The following CCDC170 variants were observed in gnomAD, a reference collection of about 807,000 sequenced individuals.
CCDC170 encodes coiled-coil domain-containing protein 170.
Under a neutral mutation model 72.6 loss-of-function variants are expected in CCDC170, and 69 were observed. The observed-to-expected ratio is 0.95, with a 90% CI of 0.78 to 1.16. CCDC170 has a LOEUF of 1.16. CCDC170 is among the 50% of genes most tolerant of loss of function. The pLI, the probability that CCDC170 is intolerant of heterozygous loss-of-function variation, is 0.00. For synonymous variants in CCDC170, 300 were observed against 303.9 expected (o/e 0.99, Z 0.13); for missense variants, 852 against 832.5 (o/e 1.02, Z -0.29).
At chr6:151,546,994 G>A (rs1023939) in intron 4 of CCDC170, among the ~76,000 whole-genome samples, 91,694 of 138,028 alleles carry the variant, frequency 0.66, 30,189 homozygotes, top group Admixed American at 0.74. Context: ...CCTGTCTTAA[G>A]AAGAAAAAAA....
chr6:151,601,517 G>A (rs918142160), intron 9 of CCDC170, among the ~76,000 whole-genome samples: 5 of 151,214 alleles, frequency 3.3e-5, no homozygotes, highest in Non-Finnish European at 5.9e-5. Flanking sequence ...GAAAAACAGT[G>A]CGTGTGTGTG....
At position 151,544,730 on chromosome 6, in the gene CCDC170, G is replaced by A; in HGVS notation, c.588+14G>A. ...TTAATTTTAAAGGTGTCTGTATGCAGATTAAAAAGTCTATAAATGTAGTGG... is the reference window on the plus strand; with the variant it reads ...TTAATTTTAAAGGTGTCTGTATGCAAATTAAAAAGTCTATAAATGTAGTGG... On this transcript the variant is annotated intron_variant, in intron 4 of 10. Transcript: ENST00000239374. 8.8e-6 allele frequency: 14 copies of A among 1,596,870 alleles called. No homozygotes were observed. The highest frequency in any genetic ancestry group is 1.2e-5 in the Non-Finnish European group (14 of 1,167,526).
intron 1 of CCDC170, among the ~76,000 whole-genome samples, chr6:151,510,214 A>T (rs1474180633): frequency 6.6e-6 from 1 of 152,202 alleles, no homozygotes; most frequent in African/African-American, 2.4e-5. Flanking sequence ...CTTGGTTTGA[A>T]TTCTTACTGT....
chr6:151,580,877 T>C (rs1776370177), intron 6 of CCDC170, among the ~76,000 whole-genome samples: 1 of 152,070 alleles, frequency 6.6e-6, no homozygotes, highest in Admixed American at 6.6e-5. Flanking sequence ...AGTCACACAA[T>C]TTTTTTTGGT....
chr6:151,574,005 A>G lies in CCDC170; in HGVS notation c.1092+514A>G, dbSNP rs532554391. On this transcript the variant is annotated intron_variant, in intron 6 of 10. Transcript: ENST00000239374. ...AGGCCTGTAACCCCAGTCCATTTGG[A>G]GGCCAATGTAGTCACTTGAGGCCAG... Among the ~76,000 whole-genome samples the G allele has an allele frequency of 1.4e-4, 22 of 152,338 alleles. No homozygotes were observed. The East Asian group carries it at 4.0e-3, about 28-fold the overall frequency.
chr6:151,534,030 T>C (rs1413153772), intron 1 of CCDC170, among the ~76,000 whole-genome samples: 2 of 152,028 alleles, frequency 1.3e-5, no homozygotes, highest in African/African-American at 2.4e-5. Flanking sequence ...ACAGCTTCTT[T>C]TCTTTCTTTC....
rs1031392692 is a variant in CCDC170, at chr6:151,536,383, G to T, written c.123G>T (p.Val41=). The change falls in exon 2 of 11, where the codon GTG becomes GTT. Residue 41 remains valine, a synonymous_variant. Transcript: ENST00000239374. The part of the protein sequence containing the change: ...TREQLNHYRN[V]AQNARSELAA... Reference sequence around the variant, plus strand: ...AGCAGTTAAACCACTATCGGAATGTGGCTCAAAATGCTCGAAGTGAACTTG... The same window carrying T: ...AGCAGTTAAACCACTATCGGAATGTTGCTCAAAATGCTCGAAGTGAACTTG... 1.9e-6 allele frequency: 3 copies of T among 1,614,010 alleles called. No individual in the cohort carries two copies. In the African/African-American group the frequency reaches 4.0e-5, roughly 22 times the overall value.
At chr6:151,611,407 A>C (rs942695819) in intron 9 of CCDC170, among the ~76,000 whole-genome samples, 2 of 152,242 alleles carry the variant, frequency 1.3e-5, no homozygotes, top group African/African-American at 4.8e-5. Context: ...TCAAGGTGCC[A>C]GCAGATTTGA....
chr6:151,562,936 C>A (rs189142775), intron 5 of CCDC170, among the ~76,000 whole-genome samples: 124 of 152,312 alleles, frequency 8.1e-4, no homozygotes, highest in Non-Finnish European at 1.6e-3. Flanking sequence ...CCCTATCAAA[C>A]CCCTGTTGCA....
intron 9 of CCDC170, among the ~76,000 whole-genome samples, chr6:151,601,726 C>T (rs553783380): frequency 3.1e-4 from 47 of 152,280 alleles, no homozygotes; most frequent in African/African-American, 1.1e-3. Context: ...AATATGAAGA[C>T]TGGCAGATTA....
intron 1 of CCDC170, among the ~76,000 whole-genome samples, chr6:151,519,303 T>C (rs1038896887): frequency 6.6e-6 from 1 of 152,196 alleles, no homozygotes. Flanking sequence ...TCTTCCCTAC[T>C]TGCATGTCCA....
chr6:151,585,708 A>T (rs759238421), intron 6 of CCDC170, among the ~76,000 whole-genome samples, 181 bp from the exon 7 acceptor site: 21 of 152,264 alleles, frequency 1.4e-4, no homozygotes, highest in Non-Finnish European at 2.1e-4. Flanking sequence ...TCAATAATGA[A>T]AGTAGATTAT....
chr6:151,498,501 T>C (rs1781942380), intron 1 of CCDC170, among the ~76,000 whole-genome samples: 1 of 152,250 alleles, frequency 6.6e-6, no homozygotes, highest in African/African-American at 2.4e-5. Flanking sequence ...CCACAAGCCA[T>C]CTTCAAACCT....
At chr6:151,615,947 CTCCAGCATCT>C (rs2115149480) in intron 10 of CCDC170, 1 of 315,250 alleles carries the variant, frequency 3.2e-6, no homozygotes, top group South Asian at 5.4e-5. Context: ...CCACCTGCCC[CTCCAGCATCT>C]TTTTGGCATT....
chr6:151,578,072 G>A (rs1350775425), intron 6 of CCDC170, among the ~76,000 whole-genome samples: 1 of 152,072 alleles, frequency 6.6e-6, no homozygotes, highest in African/African-American at 2.4e-5. Flanking sequence ...CTACTAAAGT[G>A]AGCATCTTCC....
intron 1 of CCDC170, among the ~76,000 whole-genome samples, chr6:151,497,138 A>G (rs1227247429): frequency 2.0e-5 from 3 of 152,192 alleles, no homozygotes; most frequent in African/African-American, 4.8e-5. Flanking sequence ...GACAGTTTAC[A>G]ATCCACTTTG....
At chr6:151,526,544 A>G (rs1436994147) in intron 1 of CCDC170, among the ~76,000 whole-genome samples, 4 of 115,674 alleles carry the variant, frequency 3.5e-5, no homozygotes, top group South Asian at 2.8e-4. Context: ...TGAGATGGAG[A>G]CTCGCTCTGT....
intron 9 of CCDC170, among the ~76,000 whole-genome samples, chr6:151,599,302 A>G (rs1776669707): frequency 6.6e-6 from 1 of 152,208 alleles, no homozygotes; most frequent in Non-Finnish European, 1.5e-5. Context: ...TTGAACTCAG[A>G]CTGAAAAATC....
intron 1 of CCDC170, among the ~76,000 whole-genome samples, chr6:151,515,519 G>A (rs954681280): frequency 6.6e-6 from 1 of 152,184 alleles, no homozygotes; most frequent in Non-Finnish European, 1.5e-5. Context: ...CTGACCTCAG[G>A]TGATCTGCCT....
Sources: allele counts gnomAD v4.1 joint callset (sites outside exome capture counted in the v4.1 genomes callset), GRCh38; gene constraint gnomAD v4.1.1; transcripts MANE v1.5; gene names NCBI Gene and HGNC (gene_info 2026-07-23, HGNC 2026-07-21).